The following FNIP1 variants were observed in gnomAD, a reference collection of about 807,000 sequenced individuals.
FNIP1 encodes the protein folliculin interacting protein 1.
FNIP1 carries 40 observed loss-of-function variants against 124.5 expected under a neutral mutation model. The observed-to-expected ratio is 0.32, with a 90% CI of 0.25 to 0.42. The LOEUF is 0.42. Ranked by LOEUF, FNIP1 falls within the 10% of genes least tolerant of loss-of-function variation. The probability of loss-of-function intolerance (pLI) is 1.00; values close to 1 mark genes in which losing one functional copy is unlikely to be tolerated. For missense variants in FNIP1, 1,176 were observed against 1,403.7 expected, an observed-to-expected ratio of 0.84 and a Z score of 2.59; for synonymous variants, 472 against 470.6, an observed-to-expected ratio of 1.00 and a Z score of -0.04.
At chr5:131,723,613 G>A (rs561696244) in intron 3 of FNIP1, among the ~76,000 whole-genome samples, 61 of 152,120 alleles carry the variant, frequency 4.0e-4, no homozygotes, top group African/African-American at 1.4e-3. Flanking sequence ...TTATTTAAAA[G>A]GTCTATTCTA....
chr5:131,722,338 G>A lies in FNIP1; in HGVS notation c.355-2921C>T, dbSNP rs150485924. On this transcript the variant is annotated intron_variant, in intron 3 of 17. Coordinates refer to ENST00000510461, the MANE Select transcript of FNIP1 (RefSeq NM_133372.3). ...TAGGGTTATCATGTATGTCAGCAAC[G>A]CAACCCCTAATTTGTTTAAGCCACT... 3.8e-3 allele frequency among the ~76,000 whole-genome samples: 581 copies of A among 152,218 alleles called. 4 individuals are homozygous for A. The highest frequency in any genetic ancestry group is 0.013 in the African/African-American group (543 of 41,522).
At chr5:131,744,452 C>T in intron 2 of FNIP1, 112 bp downstream of exon 2, 1 of 1,055,368 alleles carries the variant, frequency 9.5e-7, no homozygotes. Context: ...CTCCCTCAGC[C>T]CCAATATCCA....
rs550685796 is a variant in FNIP1, at chr5:131,741,268, A to C, written c.219+3296T>G. Reference sequence around the variant, plus strand: ...TCACTTTAATTGGGTTTTATAATTCAACAGTCATTTTTCATAAAATATATA... The same window carrying C: ...TCACTTTAATTGGGTTTTATAATTCCACAGTCATTTTTCATAAAATATATA... On this transcript the variant is annotated intron_variant, in intron 2 of 17. Transcript: ENST00000510461. Among the ~76,000 whole-genome samples, 4 of 152,268 alleles carry C rather than the reference A, an allele frequency of 2.6e-5. No individual in the cohort carries two copies. In the South Asian group the frequency reaches 6.2e-4, roughly 24 times the overall value.
chr5:131,646,096 C>A (rs1350247662), intron 17 of FNIP1, among the ~76,000 whole-genome samples: 2 of 152,106 alleles, frequency 1.3e-5, no homozygotes, highest in Non-Finnish European at 2.9e-5. Flanking sequence ...ACAGCTCACT[C>A]CCCAGAAAAA....
chr5:131,647,429 T>TTA (rs397725082), intron 16 of FNIP1, among the ~76,000 whole-genome samples: 1 of 151,606 alleles, frequency 6.6e-6, no homozygotes, highest in African/African-American at 2.4e-5. Flanking sequence ...TTTTTTTTTT[T>TTA]AACTGTGCAA....
chr5:131,683,468 G>A (rs990813178), intron 11 of FNIP1, among the ~76,000 whole-genome samples: 3 of 150,532 alleles, frequency 2.0e-5, no homozygotes, highest in Non-Finnish European at 4.4e-5. Context: ...CAGGAGAATG[G>A]TGTGAACCCG....
chr5:131,660,723 G>A (rs1767402791), intron 15 of FNIP1, among the ~76,000 whole-genome samples: 1 of 152,190 alleles, frequency 6.6e-6, no homozygotes, highest in Non-Finnish European at 1.5e-5. Flanking sequence ...CAGTGGGCAG[G>A]AAGAACCCCT....
chr5:131,753,647 CT>C (rs1770953747), intron 1 of FNIP1, among the ~76,000 whole-genome samples: 1 of 152,030 alleles, frequency 6.6e-6, no homozygotes, highest in Non-Finnish European at 1.5e-5. Flanking sequence ...TCAAAATGTC[CT>C]TTATCTTTAT....
In FNIP1 at chr5:131,786,295, C is replaced by T. The variant is rs116826389; in HGVS notation, c.92+10535G>A. 4.6e-3 allele frequency among the ~76,000 whole-genome samples: 707 copies of T among 152,206 alleles called. 6 individuals are homozygous for T. The highest frequency in any genetic ancestry group is 0.016 in the African/African-American group (677 of 41,514). ...AGCACTAAGTTAGACAAAGGCTGTG[C>T]CCTTATAGAACTTACAATCTAGTGA... On this transcript the variant is annotated intron_variant, in intron 1 of 17. Coordinates refer to ENST00000510461, the MANE Select transcript of FNIP1 (RefSeq NM_133372.3).
chr5:131,661,204 C>A (rs1767422440), intron 15 of FNIP1, among the ~76,000 whole-genome samples: 1 of 132,668 alleles, frequency 7.5e-6, no homozygotes, highest in Non-Finnish European at 1.6e-5. Context: ...GACCTTCTGT[C>A]CGTCTTGTCT....
At chr5:131,648,686 C>T (rs1766960796) in intron 16 of FNIP1, among the ~76,000 whole-genome samples, 1 of 151,962 alleles carries the variant, frequency 6.6e-6, no homozygotes, top group Admixed American at 6.6e-5. Flanking sequence ...ATTATATAGT[C>T]CTAAGAGCAT....
Position 131,671,908 on chromosome 5 carries a change from T to G in FNIP1, c.2536A>C (p.Thr846Pro). ...AATGGAACATCATCAATAGTCCTGG[T>G]TTCGATTGAATCATCATTAAAATAT... ...DEYFNDDSIE[T>P]RTIDDVPFKT... Residue 846 changes from threonine to proline, a missense_variant, in exon 14 of 18, where the codon ACC becomes CCC. Thr to Pro is a conservative substitution (Grantham distance 38). This residue lies in a region of FNIP1 where 1,109 missense variants were observed against 1,288.5 expected (regional missense o/e 0.86). Coordinates refer to ENST00000510461, the MANE Select transcript of FNIP1 (RefSeq NM_133372.3). 1 of 1,614,196 alleles carries G rather than the reference T, an allele frequency of 6.2e-7. No homozygotes were observed. The highest frequency in any genetic ancestry group is 8.5e-7 in the Non-Finnish European group (1 of 1,180,038).
At chr5:131,783,450 G>C (rs1423823580) in intron 1 of FNIP1, among the ~76,000 whole-genome samples, 1 of 146,010 alleles carries the variant, frequency 6.8e-6, no homozygotes, top group Non-Finnish European at 1.5e-5. Context: ...AAACAAAACA[G>C]ACCAAAAAAA....
chr5:131,789,908 T>C (rs1772339969), intron 1 of FNIP1, among the ~76,000 whole-genome samples: 1 of 152,214 alleles, frequency 6.6e-6, no homozygotes, highest in East Asian at 1.9e-4. Context: ...TTCTGTAGTT[T>C]TAATACTAAC....
chr5:131,753,204 T>C (rs1351731590), intron 1 of FNIP1, among the ~76,000 whole-genome samples: 1 of 152,224 alleles, frequency 6.6e-6, no homozygotes, highest in Non-Finnish European at 1.5e-5. Context: ...ACATTGTTAG[T>C]AGGAGTGTAA....
chr5:131,655,520 A>G (rs142126813), intron 15 of FNIP1, among the ~76,000 whole-genome samples: 1 of 152,218 alleles, frequency 6.6e-6, no homozygotes, highest in Admixed American at 6.5e-5. Context: ...TCATAACTGC[A>G]TAAAACTAGC....
At chr5:131,789,514 A>G (rs1772328227) in intron 1 of FNIP1, among the ~76,000 whole-genome samples, 1 of 152,210 alleles carries the variant, frequency 6.6e-6, no homozygotes, top group African/African-American at 2.4e-5. Context: ...TAGAAATAAT[A>G]GAAAGTTAAG....
At chr5:131,673,981 A>G (rs1437278978) in intron 13 of FNIP1, among the ~76,000 whole-genome samples, 3 of 152,162 alleles carry the variant, frequency 2.0e-5, no homozygotes, top group African/African-American at 7.2e-5. Flanking sequence ...GGGTGCACTG[A>G]GCCGAGATGA....
intron 15 of FNIP1, among the ~76,000 whole-genome samples, chr5:131,652,771 G>A (rs1561637653): frequency 6.6e-6 from 1 of 152,124 alleles, no homozygotes; most frequent in Non-Finnish European, 1.5e-5. Flanking sequence ...AGACTAGCCT[G>A]AGCAACATAG....
Sources: allele counts gnomAD v4.1 joint callset (sites outside exome capture counted in the v4.1 genomes callset), GRCh38; gene constraint gnomAD v4.1.1; regional missense constraint gnomAD v4.1.1; transcripts MANE v1.5; gene names NCBI Gene and HGNC (gene_info 2026-07-23, HGNC 2026-07-21).